Variants in CYB5R2 observed in about 807,000 individuals in gnomAD.
CYB5R2 encodes NADH-cytochrome b5 reductase 2.
CYB5R2 carries 35 observed loss-of-function variants against 29.8 expected under a neutral mutation model. The ratio of observed to expected loss-of-function variants is 1.17; its 90% CI spans 0.90 to 1.56. CYB5R2 has a LOEUF of 1.56. CYB5R2 is among the 40% of genes most tolerant of loss of function. The probability of loss-of-function intolerance (pLI) is 0.00; values close to 1 mark genes in which losing one functional copy is unlikely to be tolerated. For missense variants in CYB5R2, 419 were observed against 346.7 expected (o/e 1.21, Z -1.66); for synonymous variants, 169 against 130.6 (o/e 1.29, Z -2.01).
chr11:7,668,533 C>CGTCTG lies in CYB5R2; in HGVS notation c.412_416dup (p.Ser140ArgfsTer15), dbSNP rs751958339. 3.1e-6 allele frequency: 5 copies of CGTCTG among 1,614,066 alleles called. No individual in the cohort carries two copies. The highest frequency in any genetic ancestry group is 2.2e-5 in the East Asian group (1 of 44,876). On this transcript the variant is annotated frameshift_variant, in exon 6 of 9. Coordinates refer to ENST00000299498, the MANE Select transcript of CYB5R2 (RefSeq NM_016229.5). LOFTEE classifies it high-confidence loss of function. ...CGGCCAGTGTTTTTTTAGGCTCACTCGTCTGGTCTGGTCTGATTCCAAGAT... is the reference window on the plus strand; with the variant it reads ...CGGCCAGTGTTTTTTTAGGCTCACTCGTCTGGTCTGGTCTGGTCTGATTCCAAGAT...
rs1426770404 is a variant in CYB5R2 at position 7,665,557 on chromosome 11, G to T, written c.659-11C>A. ...AGCTGTACTTCCAGCCTGAAATGAA[G>T]GAGATGCAGGAGCAAGCTGAGCGAT... On this transcript the variant is annotated splice_polypyrimidine_tract_variant and intron_variant, in intron 8 of 8. Transcript: ENST00000299498. 6.3e-7 allele frequency: 1 copy of T among 1,591,276 alleles called. No homozygotes were observed. The highest frequency in any genetic ancestry group is 8.5e-7 in the Non-Finnish European group (1 of 1,170,088).
At chr11:7,670,046 G>T (rs980449892) in intron 3 of CYB5R2, 1 of 297,932 alleles carries the variant, frequency 3.4e-6, no homozygotes, top group Non-Finnish European at 6.3e-6. Flanking sequence ...GATCATTAAA[G>T]TTGGAGAGTG....
intron 6 of CYB5R2, among the ~76,000 whole-genome samples, chr11:7,668,237 C>G (rs1002382500): frequency 6.6e-6 from 1 of 152,220 alleles, no homozygotes; most frequent in Non-Finnish European, 1.5e-5. Flanking sequence ...GGTGGGCCTG[C>G]CCAGCTTGCC....
At position 7,665,122 on chromosome 11, in the gene CYB5R2, A is replaced by G. The variant is rs902694621; in HGVS notation, c.*252T>C. 1.1e-5 allele frequency: 4 copies of G among 356,664 alleles called. No homozygotes were observed. Among genetic ancestry groups the G allele is most frequent in the Non-Finnish European group, 2.0e-5 (4 of 197,382 alleles). The allele number at this position is 356,664 out of a possible 1,614,324, so 22.1% of individuals were successfully genotyped here. A position where few individuals can be genotyped will look rare whatever the true frequency, so the allele number is the denominator to read the frequency against. ...GGCTGTCTGCTTTGTACTTGAGTTTATTTCACAAAACCACGGAGAAAGATA... is the reference window on the plus strand; with the variant it reads ...GGCTGTCTGCTTTGTACTTGAGTTTGTTTCACAAAACCACGGAGAAAGATA... On this transcript the variant is annotated 3_prime_UTR_variant, in exon 9 of 9. Coordinates refer to ENST00000299498, the MANE Select transcript of CYB5R2 (RefSeq NM_016229.5).
Position 7,672,437 on chromosome 11 carries a change from C to T in CYB5R2, c.151+14G>A, listed in dbSNP as rs764260138. 6.2e-7 allele frequency: 1 copy of T among 1,613,596 alleles called. No individual in the cohort carries two copies. On this transcript the variant is annotated intron_variant, in intron 3 of 8. Coordinates refer to ENST00000299498, the MANE Select transcript of CYB5R2 (RefSeq NM_016229.5). ...AGAGGCCCCAGTCCTGGTGATGACCCAAGCCCGGCTCACCTACAGGAAGCC... is the reference window on the plus strand; with the variant it reads ...AGAGGCCCCAGTCCTGGTGATGACCTAAGCCCGGCTCACCTACAGGAAGCC...
chr11:7,669,735 T>A lies in CYB5R2; in HGVS notation c.152-4A>T, dbSNP rs1192792531. ...GCCAAGAGCTGGACATAGTTACCTA[T>A]AGAAAAGGCATCAAGCACTGAGTCA... On this transcript the variant is annotated splice_region_variant and splice_polypyrimidine_tract_variant and intron_variant, in intron 3 of 8. Coordinates refer to ENST00000299498, the MANE Select transcript of CYB5R2 (RefSeq NM_016229.5). 1 of 1,606,128 alleles carries A rather than the reference T, an allele frequency of 6.2e-7. No homozygotes were observed. The highest frequency in any genetic ancestry group is 2.2e-5 in the East Asian group (1 of 44,838).
chr11:7,671,163 G>A (rs959275729), intron 3 of CYB5R2: 1 of 152,348 alleles, frequency 6.6e-6, no homozygotes, highest in Non-Finnish European at 1.5e-5. Context: ...GGGATAGCCA[G>A]GAGTAAGTGA....
chr11:7,667,629 C>A, intron 7 of CYB5R2, 99 bp downstream of exon 7: 1 of 1,163,364 alleles, frequency 8.6e-7, no homozygotes, highest in Non-Finnish European at 1.3e-6. Context: ...GATGCAGGCA[C>A]CCAAGCAGCA....
At chr11:7,672,620 C>A in intron 2 of CYB5R2, 97 bp from the exon 3 acceptor site, 1 of 882,926 alleles carries the variant, frequency 1.1e-6, no homozygotes, top group Non-Finnish European at 1.6e-6. Context: ...GGCGCTATTC[C>A]AGCACACACA....
In CYB5R2 at chr11:7,672,479, CGAAGG is replaced by C; in HGVS notation, c.118_122del (p.Pro40AlafsTer11). On this transcript the variant is annotated frameshift_variant, in exon 3 of 9. Coordinates refer to ENST00000299498, the MANE Select transcript of CYB5R2 (RefSeq NM_016229.5). LOFTEE classifies it high-confidence loss of function. The stretch of plus-strand genomic sequence containing the variant: ...CAGGAAGCCCTAAGACATGGTCCGG[CGAAGG>C]CAGTCCAAAGCGGAACCTCCGGGTG... The C allele has an allele frequency of 6.2e-7, 1 of 1,614,212 alleles. No homozygotes were observed. Among genetic ancestry groups the C allele is most frequent in the South Asian group, 1.1e-5 (1 of 91,082 alleles).
Position 7,668,526 on chromosome 11 carries a change from G to T in CYB5R2, c.424C>A (p.Pro142Thr). The T allele has an allele frequency of 6.2e-7, 1 of 1,613,990 alleles. No individual in the cohort carries two copies. Among genetic ancestry groups the T allele is most frequent in the East Asian group, 2.2e-5 (1 of 44,880 alleles). Residue 142 changes from proline (P) to threonine (T), a missense_variant, in exon 6 of 9, where the codon CCT becomes ACT. Pro to Thr is a conservative substitution (Grantham distance 38). Transcript: ENST00000299498. ...LGIRPDQTSE[P>T]KKTLADHLGM... ...AGGTGATCGGCCAGTGTTTTTTTAGGCTCACTCGTCTGGTCTGGTCTGATT... is the reference window on the plus strand; with the variant it reads ...AGGTGATCGGCCAGTGTTTTTTTAGTCTCACTCGTCTGGTCTGGTCTGATT...
At position 7,669,842 on chromosome 11, in the gene CYB5R2, A is replaced by G. The variant is rs75535668; in HGVS notation, c.152-111T>C. ...AGCAAATACTGGGGGCACAATGTTA[A>G]GAGGGGTGGGAAGAAGAGAGCAGGG... On this transcript the variant is annotated intron_variant, in intron 3 of 8. Transcript: ENST00000299498. The G allele has an allele frequency of 3.8e-3, 3,002 of 792,252 alleles. 14 individuals carry two copies. The highest frequency in any genetic ancestry group is 4.7e-3 in the Non-Finnish European group (2,229 of 469,602). The allele number at this position is 792,252 out of a possible 1,614,324, so 49.1% of individuals were successfully genotyped here. A position where few individuals can be genotyped will look rare whatever the true frequency, so the allele number is the denominator to read the frequency against.
chr11:7,673,772 C>G (rs1247111652), upstream of CYB5R2: 18 of 942,044 alleles, frequency 1.9e-5, no homozygotes, highest in Admixed American at 6.2e-5. Flanking sequence ...GGGCCGCTCC[C>G]CGCCGCGGGC....
chr11:7,672,283 T>A (rs1855792655), intron 3 of CYB5R2, 168 bp downstream of exon 3: 1 of 596,258 alleles, frequency 1.7e-6, no homozygotes, highest in East Asian at 2.8e-5. Flanking sequence ...AAAAGAAATT[T>A]TCTGTCCCAC....
chr11:7,669,941 C>T (rs1590877893), intron 3 of CYB5R2: 2 of 550,320 alleles, frequency 3.6e-6, no homozygotes, highest in Non-Finnish European at 6.4e-6. Flanking sequence ...CAAGTCACTT[C>T]ACCTCTCTGG....
intron 8 of CYB5R2, 90 bp from the exon 9 acceptor site, chr11:7,665,636 A>G: frequency 1.5e-6 from 2 of 1,367,610 alleles, no homozygotes; most frequent in Non-Finnish European, 2.0e-6. Context: ...TCAGCCAGGG[A>G]GGAGGTGACA....
chr11:7,667,905 C>T lies in CYB5R2; in HGVS notation c.473-92G>A, dbSNP rs1401317121. ...GCAAGCTTCATACCTTCCCCCAGCC[C>T]AAGTTATCCTTTTCTCACTTCTGTC... On this transcript the variant is annotated intron_variant, in intron 6 of 8. Coordinates refer to ENST00000299498, the MANE Select transcript of CYB5R2 (RefSeq NM_016229.5). 6.8e-6 allele frequency: 7 copies of T among 1,025,950 alleles called. No homozygotes were observed. In the South Asian group the frequency reaches 7.7e-5, roughly 11 times the overall value. The allele number at this position is 1,025,950 out of a possible 1,614,324, so 63.6% of individuals were successfully genotyped here.
At chr11:7,666,071 G>A in intron 8 of CYB5R2, 1 of 676,006 alleles carries the variant, frequency 1.5e-6, no homozygotes, top group East Asian at 2.7e-5. Flanking sequence ...CAGGTGAGGT[G>A]GGCGGTAAGG....
intron 3 of CYB5R2, chr11:7,671,335 G>C (rs1051976946): frequency 6.6e-6 from 1 of 152,392 alleles, no homozygotes; most frequent in African/African-American, 2.4e-5. Context: ...ACTGGGCTGG[G>C]ACGAAGCAGC....
Sources: allele counts gnomAD v4.1 joint callset (sites outside exome capture counted in the v4.1 genomes callset), GRCh38; gene constraint gnomAD v4.1.1; transcripts MANE v1.5; gene names NCBI Gene and HGNC (gene_info 2026-07-23, HGNC 2026-07-21).